AFF1: variants seen among roughly 807,000 people sequenced by gnomAD.
The protein encoded by AFF1 is AF4/FMR2 family member 1.
A neutral mutation model predicts 121.7 loss-of-function variants in AFF1; 48 were observed. The ratio of observed to expected loss-of-function variants is 0.39; its 90% CI spans 0.31 to 0.50. The LOEUF (loss-of-function observed/expected upper bound fraction) is 0.50, where lower values mean the gene tolerates loss of function less well. Among genes scored for constraint, AFF1 ranks in the 20% least tolerant of loss-of-function variants. The pLI, the probability that AFF1 is intolerant of heterozygous loss-of-function variation, is 0.76. For missense variants in AFF1, 1,523 were observed against 1,511.7 expected (o/e 1.01, Z -0.12); for synonymous variants, 613 against 563.0 (o/e 1.09, Z -1.26).
chr4:86,978,585 C>T (rs1038716472), intron 2 of AFF1, among the ~76,000 whole-genome samples: 1 of 151,130 alleles, frequency 6.6e-6, no homozygotes, highest in African/African-American at 2.4e-5. Context: ...CTCTGTTGCC[C>T]AAGCTGGAGT....
chr4:86,949,776 C>T, intron 2 of AFF1: 1 of 1,613,242 alleles, frequency 6.2e-7, no homozygotes, highest in East Asian at 2.2e-5. Context: ...GTGAAGCCCA[C>T]CAGGGAGAAC....
intron 2 of AFF1, among the ~76,000 whole-genome samples, chr4:87,027,908 C>T (rs1728691218): frequency 6.7e-6 from 1 of 150,008 alleles, no homozygotes; most frequent in South Asian, 2.1e-4. Context: ...GATTCTCCTG[C>T]CTCAGCCTCC....
At chr4:87,113,083 G>A (rs1218217350) in intron 11 of AFF1, among the ~76,000 whole-genome samples, 1 of 152,208 alleles carries the variant, frequency 6.6e-6, no homozygotes, top group Non-Finnish European at 1.5e-5. Context: ...TAACAGCCGA[G>A]CTGGAGAGAC....
intron 1 of AFF1, among the ~76,000 whole-genome samples, chr4:86,941,340 G>A (rs953988307): frequency 1.3e-5 from 2 of 151,846 alleles, no homozygotes; most frequent in South Asian, 2.1e-4. Flanking sequence ...GTGAGATCTC[G>A]TCTCCACAAA....
In AFF1 at chr4:87,069,271, CTTTTTTTTTTTT is replaced by C. The variant is rs753186809; in HGVS notation, c.1060-14838_1060-14827del. Among the ~76,000 whole-genome samples the C allele has an allele frequency of 7.4e-5, 6 of 80,562 alleles. No individual in the cohort carries two copies. In the South Asian group the frequency reaches 1.4e-3, roughly 19 times the overall value. The allele number at this position is 80,562 out of a possible 152,430, so 52.9% of individuals were successfully genotyped here. On this transcript the variant is annotated intron_variant, in intron 4 of 20. Transcript: ENST00000395146. ...ACAGGTGGCGTGGTGTGTGTGGCCTCTTTTTTTTTTTTTTTTTTTTTTGGCTACCACTAGAGG... is the reference window on the plus strand; with the variant it reads ...ACAGGTGGCGTGGTGTGTGTGGCCTCTTTTTTTTTTGGCTACCACTAGAGG...
At chr4:87,124,601 T>C (rs990891431) in intron 12 of AFF1, among the ~76,000 whole-genome samples, 17 of 152,138 alleles carry the variant, frequency 1.1e-4, no homozygotes, top group African/African-American at 4.1e-4. Flanking sequence ...AATAAACTAG[T>C]GGGTTTAAGT....
intron 12 of AFF1, among the ~76,000 whole-genome samples, chr4:87,117,291 G>T (rs1002296737): frequency 1.1e-4 from 16 of 152,206 alleles, no homozygotes; most frequent in Admixed American, 7.2e-4. Context: ...TTTAGAGCAT[G>T]CAGAAATAGT....
chr4:87,126,245 C>T lies in AFF1; in HGVS notation c.2720C>T (p.Ala907Val). 1 of 1,614,062 alleles carries T rather than the reference C, an allele frequency of 6.2e-7. No homozygotes were observed. Among genetic ancestry groups the T allele is most frequent in the Non-Finnish European group, 8.5e-7 (1 of 1,180,008 alleles). ...TGTGGCCAGGACCCTCCCAAAAGTGCCAGCAGTACCAAGAGCAACCACAAA... is the reference window on the plus strand; with the variant it reads ...TGTGGCCAGGACCCTCCCAAAAGTGTCAGCAGTACCAAGAGCAACCACAAA... Reference protein sequence around the residue: ...DTCGQDPPKSASSTKSNHKDS... With the variant: ...DTCGQDPPKSVSSTKSNHKDS... Residue 907 changes from alanine to valine, a missense_variant, in exon 14 of 21, where the codon GCC (alanine) becomes GTC (valine). Around this residue, in one of 5 missense-constraint regions of AFF1, gnomAD observed 905 missense variants for 842.5 expected, o/e 1.07. Transcript: ENST00000395146.
At position 87,115,205 on chromosome 4, in the gene AFF1, G is replaced by C. The variant is rs746951633; in HGVS notation, c.2372G>C (p.Arg791Thr). The change falls in exon 12 of 21, where the codon AGG (arginine) becomes ACG (threonine). Residue 791 changes from arginine to threonine, a missense_variant. Transcript: ENST00000395146. ...CCTCCCGGGAAGGGGAGCCGCCAGA[G>C]GAAAGCAGAAGATAAACAGCCGCCC... ...PQPPGKGSRQ[R>T]KAEDKQPPAG... is the part of the protein sequence containing the mutation. 1 of 1,614,190 alleles carries C rather than the reference G, an allele frequency of 6.2e-7. No homozygotes were observed. The highest frequency in any genetic ancestry group is 1.7e-5 in the Admixed American group (1 of 60,026).
chr4:86,951,088 T>C (rs1560496808), intron 2 of AFF1, among the ~76,000 whole-genome samples: 1 of 152,226 alleles, frequency 6.6e-6, no homozygotes, highest in African/African-American at 2.4e-5. Flanking sequence ...CAGTGTTTTT[T>C]ACATAACAAT....
At chr4:87,052,394 C>G (rs1051977780) in intron 4 of AFF1, among the ~76,000 whole-genome samples, 2 of 152,098 alleles carry the variant, frequency 1.3e-5, no homozygotes, top group African/African-American at 4.8e-5. Flanking sequence ...GCCTGAGCGA[C>G]AGTGAGACCC....
rs781023474 is a variant in AFF1 at position 87,046,826 on chromosome 4, G to T, written c.291G>T (p.Pro97=). The T allele has an allele frequency of 6.2e-7, 1 of 1,614,058 alleles. No individual in the cohort carries two copies. Among genetic ancestry groups the T allele is most frequent in the African/African-American group, 1.3e-5 (1 of 74,916 alleles). ...CTTCTGAAAATAGGTTGGGAAAGCC[G>T]AAATATCCTTTAATTCCTGACAAAG... ...LDASENRLGK[P]KYPLIPDKGS... is the part of the protein sequence containing the mutation. The change falls in exon 4 of 21, where the codon CCG becomes CCT. Residue 97 remains proline, a synonymous_variant. Transcript: ENST00000395146.
intron 2 of AFF1, among the ~76,000 whole-genome samples, chr4:86,985,158 TATAATATATATA>T (rs1359408190): frequency 8.1e-6 from 1 of 123,056 alleles, no homozygotes; most frequent in Non-Finnish European, 1.6e-5. Flanking sequence ...TATATAAAAA[TATAATATATATA>T]ATATGTATTA....
intron 1 of AFF1, among the ~76,000 whole-genome samples, chr4:86,942,917 A>T (rs1245774909): frequency 2.0e-5 from 3 of 152,238 alleles, no homozygotes. Context: ...TAGGAGAAAC[A>T]TAAACTTCTA....
chr4:86,964,536 A>G (rs769954445), intron 2 of AFF1, among the ~76,000 whole-genome samples: 26 of 151,562 alleles, frequency 1.7e-4, no homozygotes, highest in Non-Finnish European at 3.1e-4. Flanking sequence ...CCTGGGTTCA[A>G]GCAATTCTCC....
At chr4:86,983,209 G>A (rs138139142) in intron 2 of AFF1, among the ~76,000 whole-genome samples, 2,137 of 152,194 alleles carry the variant, frequency 0.014, 33 homozygotes, top group Non-Finnish European at 0.018. Context: ...TGGCCAACAT[G>A]ATGAAACCCT....
chr4:86,964,364 C>T (rs7693780), intron 2 of AFF1, among the ~76,000 whole-genome samples: 17,573 of 151,280 alleles, frequency 0.12, 1,286 homozygotes, highest in East Asian at 0.2. Context: ...ATCCGCCTGC[C>T]TTGGCCTCCC....
rs370503690 is a variant in AFF1, at chr4:87,131,122, G to A, written c.3004G>A (p.Val1002Ile). ...VGKAFKYLEA[V>I]LSFIECGIAT... Reference sequence around the variant, plus strand: ...AAAGGCTTTTAAGTACCTGGAAGCCGTCTTGTCCTTCATTGAGTGCGGAAT... The same window carrying A: ...AAAGGCTTTTAAGTACCTGGAAGCCATCTTGTCCTTCATTGAGTGCGGAAT... The change falls in exon 17 of 21, where the codon GTC becomes ATC. Residue 1002 changes from valine to isoleucine, a missense_variant. Physicochemically the swap from Val to Ile is conservative, Grantham distance 29. Coordinates refer to ENST00000395146, the MANE Select transcript of AFF1 (RefSeq NM_001166693.3). The A allele has an allele frequency of 9.9e-6, 16 of 1,614,076 alleles. No homozygotes were observed. Among genetic ancestry groups the A allele is most frequent in the Admixed American group, 1.7e-5 (1 of 60,014 alleles).
intron 4 of AFF1, among the ~76,000 whole-genome samples, chr4:87,051,486 G>C (rs1451720195): frequency 6.6e-6 from 1 of 150,456 alleles, no homozygotes; most frequent in African/African-American, 2.5e-5. Flanking sequence ...TTTTGAGACA[G>C]AGTCTTGCTC....
Sources: allele counts gnomAD v4.1 joint callset (sites outside exome capture counted in the v4.1 genomes callset), GRCh38; gene constraint gnomAD v4.1.1; regional missense constraint gnomAD v4.1.1; transcripts MANE v1.5; gene names NCBI Gene and HGNC (gene_info 2026-07-23, HGNC 2026-07-21).